ADGB: variants seen among roughly 807,000 people sequenced by gnomAD.
ADGB encodes androglobin, also known as calpain-7-like protein.
A neutral mutation model predicts 210.5 loss-of-function variants in ADGB; 172 were observed. That is an observed-to-expected ratio of 0.82 (90% CI 0.72 to 0.93). ADGB has a LOEUF of 0.93. Among genes scored for constraint, ADGB ranks in the 40% least tolerant of loss-of-function variants. ADGB has a pLI of 0.00. For synonymous variants in ADGB, 658 were observed against 662.7 expected, an observed-to-expected ratio of 0.99 and a Z score of 0.11; for missense variants, 2,025 against 1,964.8, an observed-to-expected ratio of 1.03 and a Z score of -0.58.
intron 27 of ADGB, among the ~76,000 whole-genome samples, chr6:146,757,294 G>A (rs1777421943): frequency 6.6e-6 from 1 of 151,806 alleles, no homozygotes; most frequent in African/African-American, 2.4e-5. Context: ...TTTGTTAATA[G>A]TAGTAGATTT....
intron 23 of ADGB, among the ~76,000 whole-genome samples, chr6:146,738,895 C>T (rs1273428667): frequency 6.6e-6 from 1 of 152,110 alleles, no homozygotes; most frequent in East Asian, 1.9e-4. Context: ...ACCCAATTTT[C>T]TTGCAAATGA....
At chr6:146,797,994 T>C (rs1245675410) in intron 33 of ADGB, among the ~76,000 whole-genome samples, 1 of 144,086 alleles carries the variant, frequency 6.9e-6, no homozygotes, top group African/African-American at 2.6e-5. Context: ...GGATAGAAAG[T>C]AATAAAGTAG....
rs556697795 is a variant in ADGB, at chr6:146,699,597, C to A, written c.1578-1344C>A. Among the ~76,000 whole-genome samples, 11 of 152,162 alleles carry A rather than the reference C, an allele frequency of 7.2e-5. No individual in the cohort carries two copies. In the South Asian group the frequency reaches 2.3e-3, roughly 32 times the overall value. On this transcript the variant is annotated intron_variant, in intron 12 of 35. Transcript: ENST00000397944. ...TCTGGAAGCACTCTCACAGACACAC[C>A]CAGAAATAATGTTTTACTGGTCATC... is the stretch of plus-strand genomic sequence containing the variant.
chr6:146,713,938 A>G (rs1016484169), intron 13 of ADGB, among the ~76,000 whole-genome samples: 9 of 151,842 alleles, frequency 5.9e-5, no homozygotes, highest in African/African-American at 2.2e-4. Context: ...CACTTATTCT[A>G]TTTTTTATTT....
At chr6:146,608,566 T>C (rs548566035) in intron 1 of ADGB, among the ~76,000 whole-genome samples, 61 of 152,320 alleles carry the variant, frequency 4.0e-4, no homozygotes, top group African/African-American at 1.4e-3. Context: ...GAGTCTTATA[T>C]GTTGTACCTT....
intron 33 of ADGB, among the ~76,000 whole-genome samples, chr6:146,792,859 G>A (rs374748341): frequency 3.1e-4 from 47 of 152,242 alleles, no homozygotes; most frequent in Admixed American, 6.5e-4. Context: ...TTTGCACCCC[G>A]TTGTGTCTGG....
At chr6:146,696,940 A>T (rs1776412770) in intron 12 of ADGB, among the ~76,000 whole-genome samples, 1 of 152,180 alleles carries the variant, frequency 6.6e-6, no homozygotes, top group Non-Finnish European at 1.5e-5. Context: ...ACAAAAAAGC[A>T]TCTTACCTAC....
intron 27 of ADGB, among the ~76,000 whole-genome samples, chr6:146,753,271 G>A (rs139939134): frequency 3.7e-4 from 56 of 151,950 alleles, no homozygotes; most frequent in Middle Eastern, 3.4e-3. Flanking sequence ...CCTTATAATC[G>A]TGCTACTCAG....
intron 8 of ADGB, among the ~76,000 whole-genome samples, chr6:146,675,966 T>C (rs748860741): frequency 3.9e-5 from 6 of 152,118 alleles, no homozygotes; most frequent in Non-Finnish European, 8.8e-5. Context: ...AGCACAGGCT[T>C]TGCTGTGTTT....
At chr6:146,647,583 G>A (rs1403120469) in intron 3 of ADGB, among the ~76,000 whole-genome samples, 1 of 152,058 alleles carries the variant, frequency 6.6e-6, no homozygotes, top group Admixed American at 6.6e-5. Context: ...ACAGAATCAA[G>A]TTATAGTTTG....
intron 11 of ADGB, among the ~76,000 whole-genome samples, 186 bp downstream of exon 11, chr6:146,691,476 AAAT>A (rs1776322761): frequency 3.6e-4 from 13 of 35,714 alleles, no homozygotes; most frequent in Non-Finnish European, 4.6e-4. Context: ...ATATATATAT[AAAT>A]ATATATATAT....
intron 27 of ADGB, among the ~76,000 whole-genome samples, chr6:146,762,624 G>A (rs1777509275): frequency 6.6e-6 from 1 of 152,090 alleles, no homozygotes. Flanking sequence ...TCTAGATTAT[G>A]CTCTTTTAAT....
chr6:146,807,633 A>G, intron 35 of ADGB: 1 of 1,442,112 alleles, frequency 6.9e-7, no homozygotes, highest in South Asian at 1.4e-5. Flanking sequence ...GAAAAAATTT[A>G]TTTGTAATGA....
At chr6:146,718,285 T>C (rs1218867953) in intron 16 of ADGB, among the ~76,000 whole-genome samples, 1 of 146,138 alleles carries the variant, frequency 6.8e-6, no homozygotes, top group Non-Finnish European at 1.5e-5. Context: ...AGGCAGAGGT[T>C]GCAGTGAGCC....
At chr6:146,667,214 G>A (rs1423349523) in intron 7 of ADGB, among the ~76,000 whole-genome samples, 4 of 151,886 alleles carry the variant, frequency 2.6e-5, no homozygotes, top group Non-Finnish European at 2.9e-5. Context: ...CTACAACAAA[G>A]AACAGTCAAT....
At chr6:146,735,397 G>C (rs1462980342) in intron 22 of ADGB, among the ~76,000 whole-genome samples, 1 of 151,794 alleles carries the variant, frequency 6.6e-6, no homozygotes, top group East Asian at 1.9e-4. Flanking sequence ...ATTCATGAAA[G>C]AGAGAGAGAG....
chr6:146,780,331 G>T (rs1167606971), intron 29 of ADGB, among the ~76,000 whole-genome samples: 1 of 152,060 alleles, frequency 6.6e-6, no homozygotes, highest in African/African-American at 2.4e-5. Context: ...ATAATAAAAA[G>T]GCAGACATAA....
At chr6:146,808,202 G>A (rs550714511) in intron 35 of ADGB, among the ~76,000 whole-genome samples, 6 of 152,236 alleles carry the variant, frequency 3.9e-5, no homozygotes, top group South Asian at 2.1e-4. Flanking sequence ...GTTTCACCAT[G>A]TTGGCCAGGC....
intron 33 of ADGB, among the ~76,000 whole-genome samples, chr6:146,790,504 G>A (rs1038625611): frequency 1.3e-5 from 2 of 152,090 alleles, no homozygotes; most frequent in African/African-American, 4.8e-5. Context: ...TGTCCATAAT[G>A]TGGCAAATGA....
Sources: gnomAD v4.1 joint callset for allele counts (sites outside exome capture counted in the v4.1 genomes callset) on GRCh38, gnomAD v4.1.1 for gene constraint, MANE v1.5 for transcripts, NCBI Gene and HGNC (gene_info 2026-07-23, HGNC 2026-07-21) for gene names.